The following ADAT1 variants were observed in gnomAD, a reference collection of about 807,000 sequenced individuals.
ADAT1 encodes adenosine deaminase tRNA specific 1.
In ADAT1, 58 loss-of-function variants were observed where a neutral mutation model predicts 58.6. That is an observed-to-expected ratio of 0.99 (90% CI 0.80 to 1.23). ADAT1 has a LOEUF of 1.23. Ranked by LOEUF, ADAT1 falls within the 50% of genes most tolerant of loss-of-function variation. The pLI, the probability that ADAT1 is intolerant of heterozygous loss-of-function variation, is 0.00. For missense variants in ADAT1, 741 were observed against 608.6 expected (o/e 1.22, Z -2.29); for synonymous variants, 254 against 220.8 (o/e 1.15, Z -1.33).
In ADAT1 at chr16:75,617,139, T is replaced by C. The variant is rs1435184181; in HGVS notation, c.424+3A>G. 4 of 1,611,356 alleles carry C rather than the reference T, an allele frequency of 2.5e-6. No individual in the cohort carries two copies. Among genetic ancestry groups the C allele is most frequent in the Non-Finnish European group, 1.7e-6 (2 of 1,177,846 alleles). ...ATTAATCCAAAGGCTTGAATATACT[T>C]ACAGGGTGTATGGCTGGAGAAAAAC... On this transcript the variant is annotated splice_donor_region_variant and intron_variant, in intron 5 of 9. Coordinates refer to ENST00000564657, the MANE Select transcript of ADAT1 (RefSeq NM_001324445.2).
At chr16:75,602,395 T>C (rs1013707557) in intron 9 of ADAT1, among the ~76,000 whole-genome samples, 2 of 152,232 alleles carry the variant, frequency 1.3e-5, no homozygotes, top group South Asian at 4.1e-4. Context: ...AGTACTGATC[T>C]GTAGCCTTCA....
chr16:75,617,938 C>G (rs1193420966), intron 4 of ADAT1, among the ~76,000 whole-genome samples: 1 of 147,994 alleles, frequency 6.8e-6, no homozygotes, highest in Non-Finnish European at 1.5e-5. Context: ...AAAAAAAAAC[C>G]CAGGAAAAGT....
intron 5 of ADAT1, among the ~76,000 whole-genome samples, chr16:75,615,584 T>C (rs992583527): frequency 2.7e-5 from 4 of 149,284 alleles, no homozygotes; most frequent in Non-Finnish European, 5.9e-5. Flanking sequence ...TTCAAAGCTG[T>C]CCTGGGCTGC....
chr16:75,608,768 G>A, intron 7 of ADAT1, 75 bp downstream of exon 7: 2 of 1,539,818 alleles, frequency 1.3e-6, no homozygotes, highest in Admixed American at 2.1e-5. Flanking sequence ...TAGGCTGGGA[G>A]GATGCCGACC....
chr16:75,613,474 G>T (rs1027426508), intron 5 of ADAT1, among the ~76,000 whole-genome samples: 13 of 152,250 alleles, frequency 8.5e-5, no homozygotes, highest in African/African-American at 3.1e-4. Flanking sequence ...GCTAATGTTT[G>T]TATTTTTAGT....
chr16:75,620,140 T>G lies in ADAT1; in HGVS notation c.238+126A>C, dbSNP rs541132808. The G allele has an allele frequency of 7.8e-4, 698 of 897,636 alleles. 2 individuals carry two copies. The highest frequency in any genetic ancestry group is 8.5e-4 in the Non-Finnish European group (467 of 552,316). The allele number at this position is 897,636 out of a possible 1,614,324, so 55.6% of individuals were successfully genotyped here. A position where few individuals can be genotyped will look rare whatever the true frequency, so the allele number is the denominator to read the frequency against. On this transcript the variant is annotated intron_variant, in intron 3 of 9. Transcript: ENST00000564657. ...GTGAGTACGGTCCTTCCAACTGGAC[T>G]GATAGTCAGTAGGAAACAAATGCCA...
Position 75,598,225 on chromosome 16 carries a change from CG to C in ADAT1, c.*1990del, listed in dbSNP as rs2081122475. On this transcript the variant is annotated 3_prime_UTR_variant, in exon 10 of 10. Transcript: ENST00000564657. ...CTGAGTAGTTGGGACTATAGGCGTGCGCCAATACACCTGGCTAATTTTTGTA... is the reference window on the plus strand; with the variant it reads ...CTGAGTAGTTGGGACTATAGGCGTGCCCAATACACCTGGCTAATTTTTGTA... The C allele has an allele frequency of 2.8e-6, 1 of 353,050 alleles. No homozygotes were observed. Among genetic ancestry groups the C allele is most frequent in the African/African-American group, 2.2e-5 (1 of 44,496 alleles). The allele number at this position is 353,050 out of a possible 1,614,324, so 21.9% of individuals were successfully genotyped here.
intron 8 of ADAT1, among the ~76,000 whole-genome samples, chr16:75,605,595 T>C (rs1415817171): frequency 1.3e-5 from 2 of 152,042 alleles, no homozygotes; most frequent in Non-Finnish European, 2.9e-5. Context: ...AACACCCACA[T>C]TGTTGAAAAG....
chr16:75,620,872 G>A (rs1335708924), intron 1 of ADAT1, 52 bp from the exon 2 acceptor site: 5 of 1,480,384 alleles, frequency 3.4e-6, no homozygotes, highest in Middle Eastern at 1.8e-4. Flanking sequence ...ACCAGTGCAC[G>A]ATGCTACAGC....
In ADAT1 at chr16:75,599,167, C is replaced by A; in HGVS notation, c.*1049G>T. On this transcript the variant is annotated 3_prime_UTR_variant, in exon 10 of 10. Transcript: ENST00000564657. ...TACGATCTTTGCTCACCACTACCTC[C>A]GCCTCCTGGGTTCAAGCAATTCTCC... 1.0e-6 allele frequency: 1 copy of A among 957,886 alleles called. No individual in the cohort carries two copies. Among genetic ancestry groups the A allele is most frequent in the Non-Finnish European group, 1.2e-6 (1 of 806,462 alleles). 59.3% of individuals were successfully genotyped at this position (957,886 alleles called of 1,614,324 possible).
At chr16:75,618,734 G>A (rs1244623600) in intron 3 of ADAT1, 94 bp from the exon 4 acceptor site, 4 of 1,447,144 alleles carry the variant, frequency 2.8e-6, no homozygotes, top group South Asian at 1.3e-5. Context: ...CCAGCACCCA[G>A]GATGGTCATG....
At chr16:75,620,923 C>A in intron 1 of ADAT1, 103 bp from the exon 2 acceptor site, 1 of 931,934 alleles carries the variant, frequency 1.1e-6, no homozygotes, top group Non-Finnish European at 1.5e-6. Context: ...TGGAGCAGAC[C>A]GAGGTTTCCC....
Position 75,620,292 on chromosome 16 carries a change from A to T in ADAT1, c.212T>A (p.Ile71Lys). The T allele has an allele frequency of 1.2e-6, 2 of 1,614,102 alleles. No homozygotes were observed. ...VVSMGTGTKC[I>K]GQSKMRKNGD... ...GTTCTTCCTCATTTTGGACTGTCCTATGCATTTTGTTCCTGTTCCCATTGA... is the reference window on the plus strand; with the variant it reads ...GTTCTTCCTCATTTTGGACTGTCCTTTGCATTTTGTTCCTGTTCCCATTGA... The change falls in exon 3 of 10, where the codon ATA (isoleucine) becomes AAA (lysine). Residue 71 changes from isoleucine to lysine, a missense_variant. By Grantham distance (102) the Ile-to-Lys change is moderately radical. Coordinates refer to ENST00000564657, the MANE Select transcript of ADAT1 (RefSeq NM_001324445.2).
chr16:75,603,540 A>G (rs901118779), intron 8 of ADAT1, among the ~76,000 whole-genome samples: 62 of 152,172 alleles, frequency 4.1e-4, no homozygotes, highest in African/African-American at 1.4e-3. Context: ...CAGAGATCTG[A>G]GTGCTGTTCC....
At chr16:75,618,437 C>T (rs1039290015) in intron 4 of ADAT1, 149 bp downstream of exon 4, 13 of 398,528 alleles carry the variant, frequency 3.3e-5, no homozygotes, top group South Asian at 1.5e-4. Flanking sequence ...ACCCAGCAGG[C>T]GGAGGTTGCA....
chr16:75,612,520 C>T lies in ADAT1; in HGVS notation c.766G>A (p.Val256Ile), dbSNP rs751471029. The T allele has an allele frequency of 7.4e-6, 12 of 1,614,070 alleles. No homozygotes were observed. In the African/African-American group the frequency reaches 8.0e-5, roughly 11 times the overall value. ...IAPGSAKVID[V>I]YRTGAKCVPG... ...ACACACTTGGCTCCAGTTCTATAAA[C>T]GTCTATCACTTTGGCACTACCAGGG... The change falls in exon 6 of 10, where the codon GTT becomes ATT. Residue 256 changes from valine to isoleucine, a missense_variant. Physicochemically the swap from Val to Ile is conservative, Grantham distance 29. Transcript: ENST00000564657.
At position 75,620,283 on chromosome 16, in the gene ADAT1, G is replaced by C; in HGVS notation, c.221C>G (p.Ser74Cys). 1 of 1,614,076 alleles carries C rather than the reference G, an allele frequency of 6.2e-7. No homozygotes were observed. Among genetic ancestry groups the C allele is most frequent in the Non-Finnish European group, 8.5e-7 (1 of 1,179,982 alleles). ...MGTGTKCIGQ[S>C]KMRKNGDILN... is the part of the protein sequence containing the mutation. Reference sequence around the variant, plus strand: ...GTGCTTACCGTTCTTCCTCATTTTGGACTGTCCTATGCATTTTGTTCCTGT... The same window carrying C: ...GTGCTTACCGTTCTTCCTCATTTTGCACTGTCCTATGCATTTTGTTCCTGT... The change falls in exon 3 of 10, where the codon TCC becomes TGC. Residue 74 changes from serine (S) to cysteine (C), a missense_variant. Ser to Cys is a moderately radical substitution (Grantham distance 112). Coordinates refer to ENST00000564657, the MANE Select transcript of ADAT1 (RefSeq NM_001324445.2).
intron 3 of ADAT1, among the ~76,000 whole-genome samples, chr16:75,619,389 A>G (rs191331163): frequency 3.4e-4 from 52 of 152,228 alleles, no homozygotes; most frequent in Admixed American, 4.6e-4. Flanking sequence ...TTAGCTGCAC[A>G]TAGGTGTGCA....
At chr16:75,620,175 A>C in intron 3 of ADAT1, 91 bp downstream of exon 3, 1 of 1,296,886 alleles carries the variant, frequency 7.7e-7, no homozygotes, top group East Asian at 2.3e-5. Context: ...ATGCACCTCA[A>C]CTGACATGGC....
Sources: gnomAD v4.1 joint callset for allele counts (sites outside exome capture counted in the v4.1 genomes callset) on GRCh38, gnomAD v4.1.1 for gene constraint, MANE v1.5 for transcripts, NCBI Gene and HGNC (gene_info 2026-07-23, HGNC 2026-07-21) for gene names.